Variants in ANKRD61 observed in about 807,000 individuals in gnomAD.
ANKRD61 encodes the protein ankyrin repeat domain-containing protein 61.
ANKRD61 carries 7 observed loss-of-function variants against 8.4 expected under a neutral mutation model. The observed-to-expected ratio is 0.84, with a 90% confidence interval of 0.48 to 1.57. ANKRD61 has a LOEUF of 1.57. Among genes scored for constraint, ANKRD61 ranks in the 40% most tolerant of loss-of-function variants. The pLI is 0.00. For missense variants in ANKRD61, 516 were observed against 523.4 expected (o/e 0.99, Z 0.14); for synonymous variants, 198 against 208.0 (o/e 0.95, Z 0.41).
chr7:6,035,408 G>T lies in ANKRD61; in HGVS notation c.315-36G>T. 2.0e-6 allele frequency: 3 copies of T among 1,522,460 alleles called. No individual in the cohort carries two copies. The highest frequency in any genetic ancestry group is 2.5e-5 in the East Asian group (1 of 40,474). The allele number at this position is 1,522,460 out of a possible 1,614,324, so 94.3% of individuals were successfully genotyped here. The stretch of plus-strand genomic sequence containing the variant: ...GTCCACGTAGAGCCGTTCCCACTGT[G>T]AATTCAGTGTAACGTGTAATCAATA... On this transcript the variant is annotated intron_variant, in intron 2 of 2. Transcript: ENST00000409061. This position sits in a 1 kb window ranked among gnomAD's most constrained non-coding sequence, Gnocchi z 5.5.
intron 2 of ANKRD61, among the ~76,000 whole-genome samples, chr7:6,034,585 G>A (rs982944156): frequency 3.3e-5 from 5 of 152,138 alleles, no homozygotes; most frequent in African/African-American, 7.2e-5. Context: ...ACTGTTTCAC[G>A]TCTATCTTCC....
intron 1 of ANKRD61, among the ~76,000 whole-genome samples, chr7:6,031,936 G>A (rs974621369): frequency 6.6e-6 from 1 of 152,204 alleles, no homozygotes; most frequent in Non-Finnish European, 1.5e-5. Context: ...CACTTTGGAA[G>A]GCTGAGGTGG....
rs745414189 is a variant in ANKRD61 at position 6,035,866 on chromosome 7, C to T, written c.737C>T (p.Ala246Val). The T allele has an allele frequency of 2.2e-5, 34 of 1,547,750 alleles. No individual in the cohort carries two copies. In the South Asian group the frequency reaches 3.9e-4, roughly 18 times the overall value. ...CCCCTGAAGCTTGCAGTGTGCACTG[C>T]ATCAAGCAAAGCAGGCCGACTCCTC... Reference protein sequence around the residue: ...NTPLKLAVCTASSKAGRLLGA... With the variant: ...NTPLKLAVCTVSSKAGRLLGA... Residue 246 changes from alanine (A) to valine (V), a missense_variant, in exon 3 of 3, where the codon GCA becomes GTA. Ala to Val is a moderately conservative substitution (Grantham distance 64). Coordinates refer to ENST00000409061, the MANE Select transcript of ANKRD61 (RefSeq NM_001271700.2). The surrounding 1 kb of genome is among the most constrained non-coding windows in gnomAD (Gnocchi z 5.5).
In ANKRD61 at chr7:6,032,567, A is replaced by G. The variant is rs1397049400; in HGVS notation, c.217-272A>G. Among the ~76,000 whole-genome samples, 1 of 152,226 alleles carries G rather than the reference A, an allele frequency of 6.6e-6. No homozygotes were observed. The highest frequency in any genetic ancestry group is 1.5e-5 in the Non-Finnish European group (1 of 68,052). On this transcript the variant is annotated intron_variant, in intron 1 of 2. Coordinates refer to ENST00000409061, the MANE Select transcript of ANKRD61 (RefSeq NM_001271700.2). This position sits in a 1 kb window ranked among gnomAD's most constrained non-coding sequence, Gnocchi z 4.3. ...CACCACAGGCTCTTCTGAAGAATCA[A>G]CTTTCAAAAATTTCCAAAGCTTTTG...
chr7:6,035,656 T>C lies in ANKRD61; in HGVS notation c.527T>C (p.Ile176Thr), dbSNP rs1335111277. The C allele has an allele frequency of 1.9e-6, 3 of 1,550,576 alleles. No homozygotes were observed. The highest frequency in any genetic ancestry group is 2.4e-5 in the East Asian group (1 of 40,928). Residue 176 changes from isoleucine to threonine, a missense_variant, in exon 3 of 3, where the codon ATA (isoleucine) becomes ACA (threonine). Ile to Thr is a moderately conservative substitution (Grantham distance 89, BLOSUM62 -1). Coordinates refer to ENST00000409061, the MANE Select transcript of ANKRD61 (RefSeq NM_001271700.2). This position sits in a 1 kb window ranked among gnomAD's most constrained non-coding sequence, Gnocchi z 5.5. ...SNKRSPLHLAIAYGCYPVLSI... is the reference protein window; with the variant it reads ...SNKRSPLHLATAYGCYPVLSI... ...AAACGTTCACCACTCCACCTGGCCA[T>C]AGCATATGGTTGCTATCCAGTTCTC...
At chr7:6,034,404 C>A (rs1285230447) in intron 2 of ANKRD61, among the ~76,000 whole-genome samples, 1 of 152,102 alleles carries the variant, frequency 6.6e-6, no homozygotes, top group African/African-American at 2.4e-5. Context: ...CCCTGAGCAC[C>A]CCACCCCAGC....
rs974737599 is a variant in ANKRD61 at position 6,036,262 on chromosome 7, G to A, written c.1133G>A (p.Gly378Asp). 2 of 1,549,864 alleles carry A rather than the reference G, an allele frequency of 1.3e-6. No individual in the cohort carries two copies. Among genetic ancestry groups the A allele is most frequent in the African/African-American group, 1.4e-5 (1 of 72,950 alleles). The stretch of plus-strand genomic sequence containing the variant: ...TCGCAAAAACCTTTATCCCTACAGG[G>A]TATCTGCAAAAGAAACATCAGGAAT... ...KQSQKPLSLQ[G>D]ICKRNIRNIY... The change falls in exon 3 of 3, where the codon GGT becomes GAT. Residue 378 changes from glycine (G) to aspartate (D), a missense_variant. Gly to Asp is a moderately conservative substitution (Grantham distance 94). Transcript: ENST00000409061. The surrounding 1 kb of genome is among the most constrained non-coding windows in gnomAD (Gnocchi z 4.6).
Position 6,033,045 on chromosome 7 carries a change from T to A in ANKRD61, c.314+109T>A. The A allele has an allele frequency of 1.1e-6, 1 of 891,032 alleles. No individual in the cohort carries two copies. The highest frequency in any genetic ancestry group is 2.9e-5 in the East Asian group (1 of 34,228). The allele number at this position is 891,032 out of a possible 1,614,324, so 55.2% of individuals were successfully genotyped here. A position where few individuals can be genotyped will look rare whatever the true frequency, so the allele number is the denominator to read the frequency against. ...GTGCAATGGCACAATCTCGCCTCAC[T>A]GCAACCTCTACTTCCTGGGTTCAAG... On this transcript the variant is annotated intron_variant, in intron 2 of 2. Transcript: ENST00000409061. This position sits in a 1 kb window ranked among gnomAD's most constrained non-coding sequence, Gnocchi z 4.4.
Position 6,035,921 on chromosome 7 carries a change from A to G in ANKRD61, c.792A>G (p.Leu264=), listed in dbSNP as rs1439587169. 1.3e-6 allele frequency: 2 copies of G among 1,547,152 alleles called. No individual in the cohort carries two copies. Among genetic ancestry groups the G allele is most frequent in the African/African-American group, 2.7e-5 (2 of 72,976 alleles). The stretch of plus-strand genomic sequence containing the variant: ...CGGGGGTCAGCTGCATCCGTCTGCT[A>G]CTCACTCACGGAGCCAAAGTCAACG... The part of the protein sequence containing the change: ...LGAGVSCIRL[L]LTHGAKVNAQ... The change falls in exon 3 of 3, where the codon CTA becomes CTG. Residue 264 remains leucine (L), a synonymous_variant. Transcript: ENST00000409061. The surrounding 1 kb of genome is among the most constrained non-coding windows in gnomAD (Gnocchi z 5.5).
At chr7:6,031,671 C>T (rs1787917248) in intron 1 of ANKRD61, 80 bp downstream of exon 1, 12 of 1,371,378 alleles carry the variant, frequency 8.8e-6, no homozygotes, top group Non-Finnish European at 1.1e-5. Context: ...CTGGTGAACC[C>T]ACTAAGCTCA....
rs892420801 is a variant in ANKRD61, at chr7:6,036,439, T to C, written c.*53T>C. The C allele has an allele frequency of 3.0e-6, 4 of 1,329,472 alleles. No individual in the cohort carries two copies. The African/African-American group carries it at 5.9e-5, about 20-fold the overall frequency. The allele number at this position is 1,329,472 out of a possible 1,614,324, so 82.4% of individuals were successfully genotyped here. On this transcript the variant is annotated 3_prime_UTR_variant, in exon 3 of 3. Coordinates refer to ENST00000409061, the MANE Select transcript of ANKRD61 (RefSeq NM_001271700.2). The surrounding 1 kb of genome is among the most constrained non-coding windows in gnomAD (Gnocchi z 4.6). Reference sequence around the variant, plus strand: ...GGGACTTTCAGCCACTCAAACTGCATTTTCTGGCTAGACATGTCCCAGAAA... The same window carrying C: ...GGGACTTTCAGCCACTCAAACTGCACTTTCTGGCTAGACATGTCCCAGAAA...
chr7:6,035,502 A>C lies in ANKRD61; in HGVS notation c.373A>C (p.Thr125Pro), dbSNP rs1343750584. ...LMLLHWPVTS[T>P]TWAKPGNRTH... is the part of the protein sequence containing the mutation. ...GCTACTGCACTGGCCAGTCACTTCC[A>C]CCACGTGGGCAAAACCAGGCAACAG... Residue 125 changes from threonine (T) to proline (P), a missense_variant, in exon 3 of 3, where the codon ACC becomes CCC. By Grantham distance (38) the Thr-to-Pro change is conservative (BLOSUM62 -1). Transcript: ENST00000409061. The surrounding 1 kb of genome is among the most constrained non-coding windows in gnomAD (Gnocchi z 5.5). 2 of 1,550,830 alleles carry C rather than the reference A, an allele frequency of 1.3e-6. No homozygotes were observed. The highest frequency in any genetic ancestry group is 1.7e-6 in the Non-Finnish European group (2 of 1,147,082).
At position 6,033,514 on chromosome 7, in the gene ANKRD61, C is replaced by G. The variant is rs1041874567; in HGVS notation, c.314+578C>G. 2.0e-5 allele frequency among the ~76,000 whole-genome samples: 3 copies of G among 152,106 alleles called. No homozygotes were observed. The highest frequency in any genetic ancestry group is 7.2e-5 in the African/African-American group (3 of 41,390). ...TGTGAGGAATGCAGTAAAGTCCTTGCCATGGCCTTCAATAAGTTTAACCAC... is the reference window on the plus strand; with the variant it reads ...TGTGAGGAATGCAGTAAAGTCCTTGGCATGGCCTTCAATAAGTTTAACCAC... On this transcript the variant is annotated intron_variant, in intron 2 of 2. Transcript: ENST00000409061. The surrounding 1 kb of genome is among the most constrained non-coding windows in gnomAD (Gnocchi z 4.4).
chr7:6,035,502 A>G lies in ANKRD61; in HGVS notation c.373A>G (p.Thr125Ala), dbSNP rs1343750584. ...GCTACTGCACTGGCCAGTCACTTCC[A>G]CCACGTGGGCAAAACCAGGCAACAG... The part of the protein sequence containing the change: ...LMLLHWPVTS[T>A]TWAKPGNRTH... Residue 125 changes from threonine (T) to alanine (A), a missense_variant, in exon 3 of 3, where the codon ACC (threonine) becomes GCC (alanine). Thr to Ala is a moderately conservative substitution (Grantham distance 58). Coordinates refer to ENST00000409061, the MANE Select transcript of ANKRD61 (RefSeq NM_001271700.2). This position sits in a 1 kb window ranked among gnomAD's most constrained non-coding sequence, Gnocchi z 5.5. The G allele has an allele frequency of 2.6e-6, 4 of 1,550,830 alleles. No homozygotes were observed. The East Asian group carries it at 9.8e-5, about 38-fold the overall frequency.
rs1229580215 is a variant in ANKRD61, at chr7:6,036,197, A to G, written c.1068A>G (p.Leu356=). 9 of 1,549,658 alleles carry G rather than the reference A, an allele frequency of 5.8e-6. No homozygotes were observed. Among genetic ancestry groups the G allele is most frequent in the Non-Finnish European group, 7.8e-6 (9 of 1,146,598 alleles). Residue 356 remains leucine, a synonymous_variant, in exon 3 of 3, where the codon CTA becomes CTG. Transcript: ENST00000409061. This position sits in a 1 kb window ranked among gnomAD's most constrained non-coding sequence, Gnocchi z 4.6. ...NQGILPAGIM[L]PEFRLLRDTL... Reference sequence around the variant, plus strand: ...GAATTCTACCTGCAGGAATCATGCTACCAGAATTCCGCCTCTTAAGGGACA... The same window carrying G: ...GAATTCTACCTGCAGGAATCATGCTGCCAGAATTCCGCCTCTTAAGGGACA...
At chr7:6,031,701 A>G in intron 1 of ANKRD61, 110 bp downstream of exon 1, 16 of 1,014,504 alleles carry the variant, frequency 1.6e-5, no homozygotes, top group Admixed American at 6.5e-5. Flanking sequence ...TGAGAATGAG[A>G]CACGACTCCA....
At chr7:6,031,641 G>A (rs1287848214) in intron 1 of ANKRD61, 50 bp downstream of exon 1, 1 of 1,525,774 alleles carries the variant, frequency 6.6e-7, no homozygotes, top group Admixed American at 2.0e-5. Context: ...AGGCTGCTTA[G>A]AAAGAAGCAT....
At chr7:6,031,943 G>C (rs1326625466) in intron 1 of ANKRD61, among the ~76,000 whole-genome samples, 2 of 152,210 alleles carry the variant, frequency 1.3e-5, no homozygotes, top group Non-Finnish European at 2.9e-5. Context: ...GAAGGCTGAG[G>C]TGGGTGGATC....
rs1259053194 is a variant in ANKRD61 at position 6,032,855 on chromosome 7, T to A, written c.233T>A (p.Ile78Asn). The A allele has an allele frequency of 3.2e-6, 5 of 1,550,974 alleles. No homozygotes were observed. Among genetic ancestry groups the A allele is most frequent in the Non-Finnish European group, 3.5e-6 (4 of 1,146,966 alleles). The change falls in exon 2 of 3, where the codon ATC becomes AAC. Residue 78 changes from isoleucine to asparagine, a missense_variant. Transcript: ENST00000409061. This position sits in a 1 kb window ranked among gnomAD's most constrained non-coding sequence, Gnocchi z 4.3. Reference sequence around the variant, plus strand: ...CCTCCAAAGCCGACAGAGTCTATCATCCCCATCCATCTGGCTGCCAAGTAC... The same window carrying A: ...CCTCCAAAGCCGACAGAGTCTATCAACCCCATCCATCTGGCTGCCAAGTAC... ...LLLTQPTESI[I>N]PIHLAAKYHK...
Sources: gnomAD v4.1 joint callset for allele counts (sites outside exome capture counted in the v4.1 genomes callset) on GRCh38, gnomAD v4.1.1 for gene constraint, Gnocchi (gnomAD v3.1) non-coding constraint, MANE v1.5 for transcripts, NCBI Gene and HGNC (gene_info 2026-07-23, HGNC 2026-07-21) for gene names.